Variants in PAPPA2 observed in about 807,000 individuals in gnomAD.
PAPPA2 encodes pappalysin 2, also known as pappalysin-2.
Under a neutral mutation model 176.4 loss-of-function variants are expected in PAPPA2, and 86 were observed. The ratio of observed to expected loss-of-function variants is 0.49; its 90% CI spans 0.41 to 0.58. The LOEUF (loss-of-function observed/expected upper bound fraction) is 0.58, where lower values mean the gene tolerates loss of function less well. Among genes scored for constraint, PAPPA2 ranks in the 20% least tolerant of loss-of-function variants. PAPPA2 has a pLI of 0.00. For missense variants in PAPPA2, 2,073 were observed against 2,256.9 expected (o/e 0.92, Z 1.65); for synonymous variants, 809 against 852.2 (o/e 0.95, Z 0.88).
intron 3 of PAPPA2, among the ~76,000 whole-genome samples, chr1:176,649,216 A>C (rs1657573321): frequency 6.6e-6 from 1 of 151,332 alleles, no homozygotes; most frequent in Non-Finnish European, 1.5e-5. Context: ...ATTTGTTGGC[A>C]TATAGTGGAT....
chr1:176,741,057 A>G (rs1391494667), intron 14 of PAPPA2, among the ~76,000 whole-genome samples: 1 of 152,178 alleles, frequency 6.6e-6, no homozygotes, highest in Non-Finnish European at 1.5e-5. Context: ...GGATGGGAGT[A>G]GAGAGTACTG....
intron 21 of PAPPA2, among the ~76,000 whole-genome samples, chr1:176,832,424 C>T (rs1038861786): frequency 2.6e-5 from 4 of 152,156 alleles, no homozygotes; most frequent in African/African-American, 7.2e-5. Flanking sequence ...GGCGCGATCT[C>T]GGCTCACTGC....
intron 4 of PAPPA2, among the ~76,000 whole-genome samples, chr1:176,675,644 C>T (rs186179495): frequency 1.1e-4 from 17 of 152,098 alleles, no homozygotes; most frequent in African/African-American, 3.6e-4. Flanking sequence ...ACATTTAAGA[C>T]TCCATGAAAA....
At chr1:176,568,062 C>T (rs1300661391) in intron 2 of PAPPA2, among the ~76,000 whole-genome samples, 1 of 152,120 alleles carries the variant, frequency 6.6e-6, no homozygotes, top group Non-Finnish European at 1.5e-5. Flanking sequence ...ACAAGGATTG[C>T]ACTCTATGCA....
At chr1:176,639,247 G>A (rs965530699) in intron 3 of PAPPA2, among the ~76,000 whole-genome samples, 1 of 151,882 alleles carries the variant, frequency 6.6e-6, no homozygotes, top group Non-Finnish European at 1.5e-5. Context: ...AAATACTAGA[G>A]TTAGGATAAA....
intron 3 of PAPPA2, among the ~76,000 whole-genome samples, chr1:176,604,042 A>G (rs764551019): frequency 6.6e-6 from 1 of 152,098 alleles, no homozygotes; most frequent in Non-Finnish European, 1.5e-5. Context: ...TGGCCTTCTG[A>G]CTTGCCAGAT....
chr1:176,731,725 A>G (rs566545020), intron 12 of PAPPA2, among the ~76,000 whole-genome samples: 83 of 152,152 alleles, frequency 5.5e-4, no homozygotes, highest in Non-Finnish European at 2.1e-4. Context: ...ACACACATAT[A>G]TGTGTACATA....
At chr1:176,840,567 A>G (rs1179336708) in intron 22 of PAPPA2, among the ~76,000 whole-genome samples, 1 of 152,164 alleles carries the variant, frequency 6.6e-6, no homozygotes, top group Non-Finnish European at 1.5e-5. Flanking sequence ...AGGCAGGGAA[A>G]GTAATTGTCC....
At chr1:176,593,735 G>A (rs947417211) in intron 2 of PAPPA2, among the ~76,000 whole-genome samples, 1 of 152,176 alleles carries the variant, frequency 6.6e-6, no homozygotes, top group Non-Finnish European at 1.5e-5. Flanking sequence ...CCCTGGGCCT[G>A]CCCTGAGCAA....
At chr1:176,496,822 T>A (rs1289629828) in intron 1 of PAPPA2, among the ~76,000 whole-genome samples, 1 of 152,170 alleles carries the variant, frequency 6.6e-6, no homozygotes, top group African/African-American at 2.4e-5. Context: ...TGATGGTAAC[T>A]CATTCAAGTT....
intron 4 of PAPPA2, among the ~76,000 whole-genome samples, chr1:176,688,232 G>A (rs1659940457): frequency 6.6e-6 from 1 of 152,180 alleles, no homozygotes; most frequent in Non-Finnish European, 1.5e-5. Context: ...TGTGGTGGAG[G>A]AAAAAGGATG....
At chr1:176,498,751 C>CACAAAAAA (rs762510082) in intron 1 of PAPPA2, among the ~76,000 whole-genome samples, 136 of 112,078 alleles carry the variant, frequency 1.2e-3, no homozygotes, top group African/African-American at 3.6e-3. Context: ...CTCTTACCTC[C>CACAAAAAA]AAAAAAAAAA....
chr1:176,612,418 C>T (rs965398096), intron 3 of PAPPA2, among the ~76,000 whole-genome samples: 6 of 151,842 alleles, frequency 4.0e-5, no homozygotes, highest in African/African-American at 1.5e-4. Flanking sequence ...AACCAAAAAA[C>T]AACAACGACA....
chr1:176,529,803 G>A (rs1384267739), intron 1 of PAPPA2, among the ~76,000 whole-genome samples: 1 of 151,926 alleles, frequency 6.6e-6, no homozygotes, highest in East Asian at 1.9e-4. Context: ...ATGGCCACTT[G>A]CCTTTTTTAT....
chr1:176,484,168 T>G (rs750233526), intron 1 of PAPPA2, among the ~76,000 whole-genome samples: 52 of 152,202 alleles, frequency 3.4e-4, no homozygotes, highest in Admixed American at 3.3e-4. Flanking sequence ...TTCAATCCGT[T>G]CTCCTCCTAT....
At chr1:176,479,994 G>A (rs529253006) in intron 1 of PAPPA2, among the ~76,000 whole-genome samples, 2 of 152,314 alleles carry the variant, frequency 1.3e-5, no homozygotes, top group South Asian at 4.1e-4. Context: ...CCGAGGATAA[G>A]AGCCCCTTTC....
intron 2 of PAPPA2, among the ~76,000 whole-genome samples, chr1:176,565,514 A>G (rs1329889949): frequency 6.6e-6 from 1 of 152,182 alleles, no homozygotes; most frequent in East Asian, 1.9e-4. Flanking sequence ...GGGAAATATG[A>G]CGAAACCCCA....
intron 17 of PAPPA2, among the ~76,000 whole-genome samples, chr1:176,787,391 T>G (rs1664987816): frequency 6.6e-6 from 1 of 151,968 alleles, no homozygotes; most frequent in Admixed American, 6.6e-5. Flanking sequence ...CGTGCCACTG[T>G]GCCTGGCTAA....
intron 12 of PAPPA2, among the ~76,000 whole-genome samples, chr1:176,725,459 G>A (rs79600844): frequency 0.013 from 1,988 of 152,192 alleles, 40 homozygotes; most frequent in Non-Finnish European, 0.014. Context: ...GTGATATGGA[G>A]GGATCCAAAG....
Sources: allele counts gnomAD v4.1 joint callset (sites outside exome capture counted in the v4.1 genomes callset), GRCh38; gene constraint gnomAD v4.1.1; transcripts MANE v1.5; gene names NCBI Gene and HGNC (gene_info 2026-07-23, HGNC 2026-07-21).